The following ABHD17B variants were observed in gnomAD, a reference collection of about 807,000 sequenced individuals.
ABHD17B encodes the protein abhydrolase domain containing 17B, depalmitoylase, also known as alpha/beta hydrolase domain-containing protein 17B.
Under a neutral mutation model 26.2 loss-of-function variants are expected in ABHD17B, and 9 were observed. That is an observed-to-expected ratio of 0.34 (90% CI 0.21 to 0.60). The LOEUF (loss-of-function observed/expected upper bound fraction) is 0.60. Among genes scored for constraint, ABHD17B ranks in the 20% least tolerant of loss-of-function variants. The pLI is 0.80. For missense variants in ABHD17B, 224 were observed against 352.1 expected (o/e 0.64, Z 2.91); for synonymous variants, 127 against 122.3 (o/e 1.04, Z -0.25).
intron 1 of ABHD17B, among the ~76,000 whole-genome samples, chr9:71,907,214 C>T (rs1171720872): frequency 6.6e-6 from 1 of 152,108 alleles, no homozygotes; most frequent in African/African-American, 2.4e-5. Flanking sequence ...TATAACAGAG[C>T]ACATACCACC....
At chr9:71,883,739 C>G (rs541886538) in intron 1 of ABHD17B, among the ~76,000 whole-genome samples, 1 of 152,142 alleles carries the variant, frequency 6.6e-6, no homozygotes, top group Non-Finnish European at 1.5e-5. Context: ...GAGTTCAGGA[C>G]CAACCTGGCC....
At chr9:71,869,359 C>G (rs1211337597) in intron 3 of ABHD17B, among the ~76,000 whole-genome samples, 4 of 152,122 alleles carry the variant, frequency 2.6e-5, no homozygotes, top group Non-Finnish European at 1.5e-5. Context: ...CAAAAAAAAT[C>G]CTTTGTATTG....
At chr9:71,901,587 AC>A (rs952570787) in intron 1 of ABHD17B, among the ~76,000 whole-genome samples, 5 of 151,858 alleles carry the variant, frequency 3.3e-5, no homozygotes, top group African/African-American at 1.2e-4. Flanking sequence ...TGCTTTAACT[AC>A]CCTTTATACT....
At position 71,874,839 on chromosome 9, in the gene ABHD17B, C is replaced by T. The variant is rs747495271; in HGVS notation, c.242G>A (p.Cys81Tyr). The change falls in exon 2 of 4, where the codon TGT becomes TAT. Residue 81 changes from cysteine (C) to tyrosine (Y), a missense_variant. Coordinates refer to ENST00000333421, the MANE Select transcript of ABHD17B (RefSeq NM_001025780.3). ...TRTSKGNRIACMFVRCSPNAK... is the reference protein window; with the variant it reads ...TRTSKGNRIAYMFVRCSPNAK... Reference sequence around the variant, plus strand: ...ATTGGGTGAACAACGTACAAACATACAAGCAATTCTGTTGCCTTTACTGGT... The same window carrying T: ...ATTGGGTGAACAACGTACAAACATATAAGCAATTCTGTTGCCTTTACTGGT... 2 of 1,614,170 alleles carry T rather than the reference C, an allele frequency of 1.2e-6. No individual in the cohort carries two copies. The highest frequency in any genetic ancestry group is 1.7e-6 in the Non-Finnish European group (2 of 1,180,034).
intron 1 of ABHD17B, among the ~76,000 whole-genome samples, chr9:71,891,100 G>A (rs1403443845): frequency 3.3e-5 from 5 of 152,014 alleles, no homozygotes; most frequent in Non-Finnish European, 5.9e-5. Flanking sequence ...CACACTTACA[G>A]CAAACTAGGT....
chr9:71,894,255 CTTAT>C (rs891538645), intron 1 of ABHD17B, among the ~76,000 whole-genome samples: 2 of 151,998 alleles, frequency 1.3e-5, no homozygotes, highest in Non-Finnish European at 2.9e-5. Context: ...TGACTTATTT[CTTAT>C]TTATCAGTTG....
At chr9:71,883,666 G>A (rs1826515713) in intron 1 of ABHD17B, among the ~76,000 whole-genome samples, 1 of 152,334 alleles carries the variant, frequency 6.6e-6, no homozygotes, top group Admixed American at 6.5e-5. Context: ...GGCAGCCGTG[G>A]TGGCTCACGC....
At chr9:71,908,236 C>CA (rs1827341974) in intron 1 of ABHD17B, among the ~76,000 whole-genome samples, 2 of 150,996 alleles carry the variant, frequency 1.3e-5, no homozygotes. Flanking sequence ...ACTAAAAATA[C>CA]AAAAAATTAG....
chr9:71,907,903 T>A (rs1056771629), intron 1 of ABHD17B, among the ~76,000 whole-genome samples: 1 of 152,206 alleles, frequency 6.6e-6, no homozygotes, highest in African/African-American at 2.4e-5. Flanking sequence ...CCAACATTTA[T>A]ATTGCTATGT....
intron 1 of ABHD17B, among the ~76,000 whole-genome samples, chr9:71,888,597 T>C (rs1291509276): frequency 6.6e-6 from 1 of 152,192 alleles, no homozygotes. Flanking sequence ...GATTATTGAT[T>C]ATAAATAATG....
chr9:71,889,833 C>T (rs1371079093), intron 1 of ABHD17B, among the ~76,000 whole-genome samples: 2 of 152,172 alleles, frequency 1.3e-5, no homozygotes, highest in African/African-American at 4.8e-5. Flanking sequence ...CTTCCCTAAT[C>T]CCAACCCAAA....
intron 1 of ABHD17B, among the ~76,000 whole-genome samples, chr9:71,884,054 C>T (rs111611976): frequency 6.6e-6 from 1 of 152,012 alleles, no homozygotes; most frequent in African/African-American, 2.4e-5. Context: ...AACTGGGTAA[C>T]TCAAGAACAA....
At chr9:71,908,389 T>A in intron 1 of ABHD17B, among the ~76,000 whole-genome samples, 1 of 110,864 alleles carries the variant, frequency 9.0e-6, no homozygotes, top group South Asian at 3.0e-4. Flanking sequence ...CAAAACTCCG[T>A]CTCAAAAAAA....
intron 2 of ABHD17B, among the ~76,000 whole-genome samples, 150 bp downstream of exon 2, chr9:71,874,460 GCTGT>G (rs556733421): frequency 6.6e-6 from 1 of 152,088 alleles, no homozygotes; most frequent in Non-Finnish European, 1.5e-5. Flanking sequence ...ATTTAAAATT[GCTGT>G]CTAAAATATT....
chr9:71,908,132 T>C (rs1440958510), intron 1 of ABHD17B, among the ~76,000 whole-genome samples: 1 of 152,210 alleles, frequency 6.6e-6, no homozygotes, highest in Non-Finnish European at 1.5e-5. Context: ...GGCTCACACC[T>C]GTAATCCTAG....
chr9:71,910,059 G>A (rs555181523), intron 1 of ABHD17B, among the ~76,000 whole-genome samples: 172 of 152,044 alleles, frequency 1.1e-3, no homozygotes, highest in African/African-American at 3.9e-3. Context: ...AAACAAATAA[G>A]ATTAAAGCCC....
intron 3 of ABHD17B, 151 bp downstream of exon 3, chr9:71,869,932 C>A (rs1158614828): frequency 2.8e-6 from 2 of 722,570 alleles, no homozygotes; most frequent in African/African-American, 1.8e-5. Context: ...CCTGCTAATA[C>A]CCTCTTTACA....
At chr9:71,867,501 AAAG>A (rs758778049) in intron 3 of ABHD17B, among the ~76,000 whole-genome samples, 3 of 152,234 alleles carry the variant, frequency 2.0e-5, no homozygotes, top group East Asian at 1.9e-4. Context: ...TTGGAGCTGG[AAAG>A]AAGATTAATG....
downstream of ABHD17B, among the ~76,000 whole-genome samples, chr9:71,863,215 C>A (rs1825872818): frequency 6.6e-6 from 1 of 152,108 alleles, no homozygotes; most frequent in East Asian, 1.9e-4. Context: ...AGCCAAATAT[C>A]AAAACAAACA....
Sources: allele counts gnomAD v4.1 joint callset (sites outside exome capture counted in the v4.1 genomes callset), GRCh38; gene constraint gnomAD v4.1.1; transcripts MANE v1.5; gene names NCBI Gene and HGNC (gene_info 2026-07-23, HGNC 2026-07-21).